Variants in COL27A1 observed in about 807,000 individuals in gnomAD.
The protein encoded by COL27A1 is collagen alpha-1(XXVII) chain.
Under a neutral mutation model 251.3 loss-of-function variants are expected in COL27A1, and 106 were observed. That is an observed-to-expected ratio of 0.42 (90% CI 0.36 to 0.50). The LOEUF (loss-of-function observed/expected upper bound fraction) is 0.50. Among genes scored for constraint, COL27A1 ranks in the 20% least tolerant of loss-of-function variants. The pLI is 0.00. For synonymous variants in COL27A1, 1,000 were observed against 986.3 expected (o/e 1.01, Z -0.26); for missense variants, 2,325 against 2,522.8 (o/e 0.92, Z 1.68).
chr9:114,302,139 T>G, intron 56 of COL27A1, 31 bp downstream of exon 56: 1 of 1,593,572 alleles, frequency 6.3e-7, no homozygotes, highest in Non-Finnish European at 8.6e-7. Flanking sequence ...TTTGCCTACT[T>G]GGGGTAAGGC....
rs184073391 is a variant in COL27A1, at chr9:114,182,613, G to T, written c.1963-409G>T. Among the ~76,000 whole-genome samples, 798 of 152,296 alleles carry T rather than the reference G, an allele frequency of 5.2e-3. 12 individuals carry two copies. The highest frequency in any genetic ancestry group is 0.019 in the African/African-American group (771 of 41,568). ...GAGCCTGAAGAAGCTGGGAAGGGCT[G>T]ACGGGGCTAGGCTGAGAGATGTGGA... On this transcript the variant is annotated intron_variant, in intron 4 of 60. Transcript: ENST00000356083.
intron 42 of COL27A1, 73 bp from the exon 43 acceptor site, chr9:114,288,629 C>T (rs56060009): frequency 0.016 from 25,760 of 1,564,266 alleles, 300 homozygotes; most frequent in African/African-American, 0.045. Context: ...GCAGAGGTCG[C>T]GGCCAACAGG....
intron 3 of COL27A1, among the ~76,000 whole-genome samples, chr9:114,171,757 T>C (rs1203611560): frequency 2.0e-5 from 3 of 152,202 alleles, no homozygotes; most frequent in African/African-American, 4.8e-5. Flanking sequence ...TAAGCCACTG[T>C]GCCTGGCCTA....
rs780026251 is a variant in COL27A1 at position 114,231,854 on chromosome 9, G to T, written c.2553G>T (p.Leu851=). Reference sequence around the variant, plus strand: ...TGGGCAGCGTGGGGGAGCCCGGACTGAAAGGTGATAAGGTGATCTGAATAC... The same window carrying T: ...TGGGCAGCGTGGGGGAGCCCGGACTTAAAGGTGATAAGGTGATCTGAATAC... The part of the protein sequence containing the change: ...GLMGSVGEPG[L]KGDKGEQGVP... Residue 851 remains leucine, a synonymous_variant, in exon 16 of 61, where the codon CTG becomes CTT. Transcript: ENST00000356083. 6.2e-7 allele frequency: 1 copy of T among 1,614,198 alleles called. No individual in the cohort carries two copies. The highest frequency in any genetic ancestry group is 1.1e-5 in the South Asian group (1 of 91,088).
intron 10 of COL27A1, 46 bp from the exon 11 acceptor site, chr9:114,209,629 C>T (rs1437416226): frequency 1.6e-5 from 26 of 1,592,036 alleles, no homozygotes; most frequent in Non-Finnish European, 2.2e-5. Flanking sequence ...GGGCCAGCCA[C>T]ACCTCACTGC....
chr9:114,255,363 C>T (rs937128826), intron 27 of COL27A1, among the ~76,000 whole-genome samples: 2 of 152,092 alleles, frequency 1.3e-5, no homozygotes, highest in Admixed American at 6.5e-5. Flanking sequence ...AGAGTAGGGC[C>T]GAAGCCTGAG....
intron 13 of COL27A1, 76 bp downstream of exon 13, chr9:114,219,920 T>C (rs747148967): frequency 7.9e-6 from 9 of 1,140,122 alleles, no homozygotes; most frequent in Non-Finnish European, 9.3e-6. Flanking sequence ...GCCCACGCTT[T>C]AGGGTCAGAC....
At position 114,214,426 on chromosome 9, in the gene COL27A1, C is replaced by T. The variant is rs561224865; in HGVS notation, c.2367+3400C>T. Among the ~76,000 whole-genome samples the T allele has an allele frequency of 1.4e-4, 21 of 152,300 alleles. 1 individual carries two copies. The South Asian group carries it at 3.9e-3, about 29-fold the overall frequency. ...TCCCCAGCAGGCAAAACCTTGGGCC[C>T]GTGCATGCGGCCTCCTCAGTATCCA... On this transcript the variant is annotated intron_variant, in intron 12 of 60. Transcript: ENST00000356083.
intron 12 of COL27A1, 143 bp downstream of exon 12, chr9:114,211,169 C>A: frequency 2.3e-6 from 2 of 856,356 alleles, no homozygotes; most frequent in Non-Finnish European, 1.9e-6. Flanking sequence ...GGTTGTCTGG[C>A]CACAGGACCT....
In COL27A1 at chr9:114,290,970, C is replaced by A. The variant is rs1213272876; in HGVS notation, c.4476+53C>A. The A allele has an allele frequency of 2.9e-6, 4 of 1,371,862 alleles. No homozygotes were observed. In the African/African-American group the frequency reaches 4.3e-5, roughly 15 times the overall value. The allele number at this position is 1,371,862 out of a possible 1,614,324, so 85.0% of individuals were successfully genotyped here. ...ACCCTCTGCCCTTTCTGCCTTGATG[C>A]AGACTCTAGTGGTTCCGACCCTTTG... On this transcript the variant is annotated intron_variant, in intron 48 of 60. Transcript: ENST00000356083. The surrounding 1 kb of genome is among the most constrained non-coding windows in gnomAD (Gnocchi z 4.6).
chr9:114,306,487 A>T, intron 57 of COL27A1, 33 bp from the exon 58 acceptor site: 1 of 1,610,768 alleles, frequency 6.2e-7, no homozygotes, highest in Non-Finnish European at 8.5e-7. Context: ...CCAGGACCCT[A>T]AGGTCCCAAT....
At chr9:114,220,482 C>T (rs1831016658) in intron 13 of COL27A1, among the ~76,000 whole-genome samples, 1 of 152,204 alleles carries the variant, frequency 6.6e-6, no homozygotes, top group Non-Finnish European at 1.5e-5. Context: ...GTGGCTGCTG[C>T]GTTCATAACC....
intron 25 of COL27A1, 34 bp from the exon 26 acceptor site, chr9:114,252,559 C>T: frequency 5.0e-6 from 8 of 1,606,694 alleles, no homozygotes; most frequent in Non-Finnish European, 6.8e-6. Flanking sequence ...ACAGCCATAG[C>T]CGTGACCTGC....
intron 41 of COL27A1, among the ~76,000 whole-genome samples, chr9:114,285,522 C>T (rs1025958905): frequency 3.3e-5 from 5 of 152,138 alleles, no homozygotes; most frequent in African/African-American, 1.2e-4. Flanking sequence ...TCAGCTGGAA[C>T]GCTTCGCTTG....
chr9:114,155,042 A>G (rs1476743207), upstream of COL27A1, among the ~76,000 whole-genome samples: 3 of 151,940 alleles, frequency 2.0e-5, no homozygotes, highest in Non-Finnish European at 4.4e-5. The surrounding 1 kb of genome is among the most constrained non-coding windows in gnomAD (Gnocchi z 5.5). Context: ...AGAGGGTGGC[A>G]AACCCTTAAC....
chr9:114,300,262 AT>A (rs1828526470), intron 50 of COL27A1, 139 bp downstream of exon 50: 4 of 792,354 alleles, frequency 5.0e-6, no homozygotes, highest in East Asian at 5.3e-5. Flanking sequence ...GAACACCCTC[AT>A]CCCCCAGTAC....
intron 28 of COL27A1, among the ~76,000 whole-genome samples, chr9:114,263,504 C>A (rs1384990430): frequency 6.6e-6 from 1 of 152,136 alleles, no homozygotes; most frequent in Admixed American, 6.5e-5. Flanking sequence ...GAGAGCCCAG[C>A]CCATCTGCGT....
In COL27A1 at chr9:114,212,275, C is replaced by T. The variant is rs550406566; in HGVS notation, c.2367+1249C>T. Among the ~76,000 whole-genome samples the T allele has an allele frequency of 8.7e-4, 132 of 152,328 alleles. 1 individual carries two copies. The highest frequency in any genetic ancestry group is 3.1e-3 in the African/African-American group (129 of 41,568). Reference sequence around the variant, plus strand: ...GGACCTGGAGTCTGAGAGGGCTGGGCTGGCACATGGGGTTGTCCCTCAAGC... The same window carrying T: ...GGACCTGGAGTCTGAGAGGGCTGGGTTGGCACATGGGGTTGTCCCTCAAGC... On this transcript the variant is annotated intron_variant, in intron 12 of 60. Coordinates refer to ENST00000356083, the MANE Select transcript of COL27A1 (RefSeq NM_032888.4).
chr9:114,219,761 CA>C, intron 12 of COL27A1, 29 bp from the exon 13 acceptor site: 1 of 1,547,404 alleles, frequency 6.5e-7, no homozygotes, highest in East Asian at 2.2e-5. Context: ...CACTAACCTA[CA>C]GATGTTTGTT....
Sources: gnomAD v4.1 joint callset for allele counts (sites outside exome capture counted in the v4.1 genomes callset) on GRCh38, gnomAD v4.1.1 for gene constraint, Gnocchi (gnomAD v3.1) non-coding constraint, MANE v1.5 for transcripts, NCBI Gene and HGNC (gene_info 2026-07-23, HGNC 2026-07-21) for gene names.